The following PPM1E variants were observed in gnomAD, a reference collection of about 807,000 sequenced individuals.
PPM1E encodes the protein protein phosphatase, Mg2+/Mn2+ dependent 1E.
Under a neutral mutation model 65.9 loss-of-function variants are expected in PPM1E, and 20 were observed. That is an observed-to-expected ratio of 0.30 (90% confidence interval 0.21 to 0.44). The LOEUF (loss-of-function observed/expected upper bound fraction) is 0.44, where lower values mean the gene tolerates loss of function less well. PPM1E is among the 20% of genes least tolerant of loss of function. The pLI, the probability that PPM1E is intolerant of heterozygous loss-of-function variation, is 1.00. For missense variants in PPM1E, 713 were observed against 953.1 expected (o/e 0.75, Z 3.32); for synonymous variants, 352 against 374.9 (o/e 0.94, Z 0.70).
intron 2 of PPM1E, among the ~76,000 whole-genome samples, chr17:58,957,291 G>A (rs747587842): frequency 6.6e-5 from 10 of 151,952 alleles, no homozygotes; most frequent in Non-Finnish European, 1.0e-4. Flanking sequence ...GATGTCTTAC[G>A]CTACTCCCTG....
intron 1 of PPM1E, among the ~76,000 whole-genome samples, chr17:58,914,996 T>A (rs917276165): frequency 6.6e-5 from 10 of 152,148 alleles, no homozygotes; most frequent in Non-Finnish European, 1.3e-4. Flanking sequence ...TTTGGTTGTT[T>A]TGCTGCTTTT....
At chr17:58,894,169 T>G (rs947798616) in intron 1 of PPM1E, among the ~76,000 whole-genome samples, 4 of 152,132 alleles carry the variant, frequency 2.6e-5, no homozygotes, top group African/African-American at 4.8e-5. Flanking sequence ...TCGCTCAGGC[T>G]GGAGTACAGT....
chr17:58,969,267 GACA>G (rs1198519698), intron 3 of PPM1E, among the ~76,000 whole-genome samples: 2 of 152,048 alleles, frequency 1.3e-5, no homozygotes, highest in Non-Finnish European at 2.9e-5. Context: ...CATGGTACAA[GACA>G]ACAACTTTCA....
chr17:58,923,686 G>T (rs1388370076), intron 1 of PPM1E, among the ~76,000 whole-genome samples: 4 of 150,320 alleles, frequency 2.7e-5, no homozygotes, highest in Non-Finnish European at 4.4e-5. Context: ...GGCGGAGGTT[G>T]CAGTGAGCTG....
chr17:58,900,638 T>G (rs1043412019), intron 1 of PPM1E, among the ~76,000 whole-genome samples: 42 of 152,336 alleles, frequency 2.8e-4, no homozygotes, highest in African/African-American at 7.7e-4. Flanking sequence ...AAAGCAATAT[T>G]TGCTTTATTG....
chr17:58,905,111 G>C (rs1386777690), intron 1 of PPM1E, among the ~76,000 whole-genome samples: 1 of 152,028 alleles, frequency 6.6e-6, no homozygotes, highest in Non-Finnish European at 1.5e-5. Flanking sequence ...GGGGTTTTTT[G>C]ACTCTTTCAG....
At position 58,756,358 on chromosome 17, in the gene PPM1E, C is replaced by T; in HGVS notation, c.361C>T (p.Leu121=). ...GGCCGTGCCGCCGCCGCCGCCCCAGCTGCCGCCTTTGCCCCCGCTCCCGCG... is the reference window on the plus strand; with the variant it reads ...GGCCGTGCCGCCGCCGCCGCCCCAGTTGCCGCCTTTGCCCCCGCTCCCGCG... ...HSAVPPPPPQ[L]PPLPPLPRPL... is the part of the protein sequence containing the mutation. The change falls in exon 1 of 7, where the codon CTG becomes TTG. Residue 121 remains leucine (L), a synonymous_variant. Coordinates refer to ENST00000308249, the MANE Select transcript of PPM1E (RefSeq NM_014906.5). 1 of 1,379,014 alleles carries T rather than the reference C, an allele frequency of 7.3e-7. No individual in the cohort carries two copies. Among genetic ancestry groups the T allele is most frequent in the African/African-American group, 1.5e-5 (1 of 65,280 alleles). The allele number at this position is 1,379,014 out of a possible 1,614,324, so 85.4% of individuals were successfully genotyped here.
rs1326858003 is a variant in PPM1E at position 58,984,099 on chromosome 17, T to C, written c.*3068T>C. ...AACACATATGTATATACCTTTTCTTTACCTAGAAGTGCCATCCATTGTCCT... is the reference window on the plus strand; with the variant it reads ...AACACATATGTATATACCTTTTCTTCACCTAGAAGTGCCATCCATTGTCCT... On this transcript the variant is annotated 3_prime_UTR_variant, in exon 7 of 7. Coordinates refer to ENST00000308249, the MANE Select transcript of PPM1E (RefSeq NM_014906.5). 1 of 152,656 alleles carries C rather than the reference T, an allele frequency of 6.6e-6. No homozygotes were observed. Among genetic ancestry groups the C allele is most frequent in the Admixed American group, 6.5e-5 (1 of 15,284 alleles). 9.5% of individuals were successfully genotyped at this position (152,656 alleles called of 1,614,324 possible).
chr17:58,880,944 C>T, intron 1 of PPM1E, among the ~76,000 whole-genome samples: 1 of 152,166 alleles, frequency 6.6e-6, no homozygotes, highest in Middle Eastern at 3.4e-3. Flanking sequence ...ATATAAACAA[C>T]ATGCAATATT....
At chr17:58,942,828 A>T (rs1363543816) in intron 1 of PPM1E, among the ~76,000 whole-genome samples, 4 of 85,074 alleles carry the variant, frequency 4.7e-5, no homozygotes, top group South Asian at 3.6e-4. Flanking sequence ...GTATAATAAT[A>T]AAAAAAAAGA....
intron 1 of PPM1E, among the ~76,000 whole-genome samples, chr17:58,838,437 C>G (rs1171299957): frequency 6.6e-6 from 1 of 152,182 alleles, no homozygotes; most frequent in Admixed American, 6.5e-5. Context: ...AGACGCTCAT[C>G]ATTTGTCTTT....
intron 1 of PPM1E, among the ~76,000 whole-genome samples, chr17:58,910,700 G>A (rs1041262461): frequency 3.3e-5 from 5 of 152,162 alleles, no homozygotes; most frequent in Admixed American, 3.3e-4. Flanking sequence ...TGGACTGTGA[G>A]CTTCACATAT....
At chr17:58,786,676 G>A (rs1598570513) in intron 1 of PPM1E, among the ~76,000 whole-genome samples, 1 of 152,044 alleles carries the variant, frequency 6.6e-6, no homozygotes, top group East Asian at 1.9e-4. Context: ...GTTGACCATG[G>A]GTAACTAAAA....
At chr17:58,814,267 A>G (rs1273262701) in intron 1 of PPM1E, among the ~76,000 whole-genome samples, 1 of 152,172 alleles carries the variant, frequency 6.6e-6, no homozygotes, top group African/African-American at 2.4e-5. Flanking sequence ...ACTGGTAAAT[A>G]TGGAGGCATG....
chr17:58,944,889 G>T (rs2052126473), intron 1 of PPM1E, among the ~76,000 whole-genome samples: 1 of 152,158 alleles, frequency 6.6e-6, no homozygotes, highest in South Asian at 2.1e-4. Flanking sequence ...GTAACTTTAT[G>T]TTTAAAATGT....
intron 1 of PPM1E, among the ~76,000 whole-genome samples, chr17:58,791,877 C>G (rs948865549): frequency 3.9e-5 from 6 of 152,116 alleles, no homozygotes; most frequent in African/African-American, 1.4e-4. Flanking sequence ...ATTCCTTAAC[C>G]CTTTTTCCTG....
intron 1 of PPM1E, among the ~76,000 whole-genome samples, chr17:58,779,145 GTAAAACAGTAT>G (rs2050027092): frequency 6.7e-6 from 1 of 149,662 alleles, no homozygotes; most frequent in Admixed American, 6.7e-5. Context: ...TCAAAAAATT[GTAAAACAGTAT>G]TAAGGGTAAT....
chr17:58,941,470 G>A (rs575256014), intron 1 of PPM1E, among the ~76,000 whole-genome samples: 3 of 150,032 alleles, frequency 2.0e-5, no homozygotes, highest in East Asian at 2.0e-4. Flanking sequence ...TGAGGTTGGC[G>A]GGTCATGAGG....
Position 58,897,401 on chromosome 17 carries a change from G to A in PPM1E, c.465-58248G>A, listed in dbSNP as rs554240138. Among the ~76,000 whole-genome samples, 25 of 150,832 alleles carry A rather than the reference G, an allele frequency of 1.7e-4. No individual in the cohort carries two copies. The South Asian group carries it at 2.3e-3, about 14-fold the overall frequency. On this transcript the variant is annotated intron_variant, in intron 1 of 6. Coordinates refer to ENST00000308249, the MANE Select transcript of PPM1E (RefSeq NM_014906.5). ...TGCACTCCAGCCTGGGCGACAGAGC[G>A]AGACTCCATCTAAAAAAAAAAAAAG...
Sources: allele counts gnomAD v4.1 joint callset (sites outside exome capture counted in the v4.1 genomes callset), GRCh38; gene constraint gnomAD v4.1.1; transcripts MANE v1.5; gene names NCBI Gene and HGNC (gene_info 2026-07-23, HGNC 2026-07-21).